FAM110B: variants seen among roughly 807,000 people sequenced by gnomAD.
FAM110B encodes the protein protein FAM110B.
FAM110B carries 6 observed loss-of-function variants against 20.4 expected under a neutral mutation model. That is an observed-to-expected ratio of 0.29 (90% CI 0.16 to 0.58). FAM110B has a LOEUF of 0.58. FAM110B is among the 20% of genes least tolerant of loss of function. The pLI is 0.90. For missense variants in FAM110B, 434 were observed against 498.2 expected, an observed-to-expected ratio of 0.87 and a Z score of 1.23; for synonymous variants, 226 against 214.1, an observed-to-expected ratio of 1.06 and a Z score of -0.49.
In FAM110B at chr8:58,098,632, G is replaced by A. The variant is rs202105926; in HGVS notation, c.-325+23009G>A. Among the ~76,000 whole-genome samples the A allele has an allele frequency of 6.6e-5, 10 of 152,182 alleles. No individual in the cohort carries two copies. The East Asian group carries it at 7.7e-4, about 12-fold the overall frequency. On this transcript the variant is annotated intron_variant, in intron 3 of 3. Coordinates refer to ENST00000519262, the MANE Select transcript of FAM110B (RefSeq NM_001377989.1). ...AAGCTAGCTCGATGTCTGCCCAAAC[G>A]GCTGCCCAGTTTTGTGCAGGAAACC...
At chr8:58,130,081 C>G (rs1475026150) in intron 3 of FAM110B, among the ~76,000 whole-genome samples, 1 of 152,118 alleles carries the variant, frequency 6.6e-6, no homozygotes, top group East Asian at 1.9e-4. Context: ...CTCCTTACAC[C>G]CATTATAGGA....
intron 2 of FAM110B, among the ~76,000 whole-genome samples, chr8:58,055,159 C>G (rs1393448484): frequency 6.6e-6 from 1 of 152,154 alleles, no homozygotes; most frequent in Admixed American, 6.5e-5. Context: ...CCCAGGGCAG[C>G]CAGTGGAGCT....
intron 3 of FAM110B, among the ~76,000 whole-genome samples, chr8:58,139,559 T>G (rs1365570158): frequency 1.3e-5 from 2 of 152,224 alleles, no homozygotes; most frequent in African/African-American, 4.8e-5. Context: ...TACTTTTGCA[T>G]TCTTTACAAG....
At chr8:58,086,382 CTTA>C (rs377463831) in intron 3 of FAM110B, among the ~76,000 whole-genome samples, 75 of 152,266 alleles carry the variant, frequency 4.9e-4, no homozygotes, top group South Asian at 2.3e-3. Flanking sequence ...TTTTGAATTT[CTTA>C]TTATATTTTA....
intron 2 of FAM110B, among the ~76,000 whole-genome samples, chr8:58,058,440 G>C (rs1805591382): frequency 6.6e-6 from 1 of 151,740 alleles, no homozygotes; most frequent in Non-Finnish European, 1.5e-5. Context: ...AAGAAAAACT[G>C]GTAAGAAAAA....
At chr8:58,114,540 A>G (rs920064123) in intron 3 of FAM110B, among the ~76,000 whole-genome samples, 5 of 152,172 alleles carry the variant, frequency 3.3e-5, no homozygotes, top group African/African-American at 4.8e-5. Context: ...CAGGCATTCT[A>G]TGCAAGGCTT....
chr8:58,127,125 C>G (rs1807528115), intron 3 of FAM110B, among the ~76,000 whole-genome samples: 1 of 152,178 alleles, frequency 6.6e-6, no homozygotes. Context: ...CTGTGGATAT[C>G]CAGTTGCTCC....
At chr8:58,141,809 C>G (rs1424060222) in intron 3 of FAM110B, among the ~76,000 whole-genome samples, 2 of 152,174 alleles carry the variant, frequency 1.3e-5, no homozygotes, top group Non-Finnish European at 2.9e-5. Context: ...CCATGGCAGC[C>G]CGTAGCGGGG....
chr8:58,101,032 C>G (rs1806766662), intron 3 of FAM110B: 1 of 152,012 alleles, frequency 6.6e-6, no homozygotes, highest in South Asian at 2.1e-4. Context: ...AAAAAATTAG[C>G]TGGGCATGGT....
At chr8:58,061,832 C>T (rs1033331987) in intron 2 of FAM110B, among the ~76,000 whole-genome samples, 2 of 152,208 alleles carry the variant, frequency 1.3e-5, no homozygotes, top group Non-Finnish European at 2.9e-5. Flanking sequence ...TTTCAGACAT[C>T]ACCAGGGATT....
Position 58,015,791 on chromosome 8 carries a change from G to A in FAM110B, c.-511-15815G>A, listed in dbSNP as rs1234195412. ...ATCCAGGAGGTGGAGGTTGCAGTGA[G>A]CTGAGATTGTGCCACTGCACTCCAG... On this transcript the variant is annotated intron_variant, in intron 1 of 3. Transcript: ENST00000519262. Among the ~76,000 whole-genome samples, 3 of 149,852 alleles carry A rather than the reference G, an allele frequency of 2.0e-5. No individual in the cohort carries two copies. In the South Asian group the frequency reaches 6.3e-4, roughly 32 times the overall value.
chr8:58,095,988 A>C (rs1173557382), intron 3 of FAM110B, among the ~76,000 whole-genome samples: 1 of 152,104 alleles, frequency 6.6e-6, no homozygotes, highest in African/African-American at 2.4e-5. Flanking sequence ...CTTTACCATT[A>C]TGTAGTGGCC....
intron 3 of FAM110B, among the ~76,000 whole-genome samples, chr8:58,138,118 T>C (rs1803662055): frequency 6.6e-6 from 1 of 152,200 alleles, no homozygotes; most frequent in East Asian, 1.9e-4. Flanking sequence ...TCAGCGGAAG[T>C]GACAAGGTTT....
chr8:58,021,208 T>G (rs1804746357), intron 1 of FAM110B, among the ~76,000 whole-genome samples: 1 of 152,220 alleles, frequency 6.6e-6, no homozygotes, highest in Admixed American at 6.5e-5. Flanking sequence ...TGGATGACCA[T>G]CAGTGCCCAG....
intron 2 of FAM110B, among the ~76,000 whole-genome samples, chr8:58,057,946 T>A (rs550698550): frequency 6.6e-6 from 1 of 152,366 alleles, no homozygotes; most frequent in East Asian, 1.9e-4. Context: ...GCCTCCAACC[T>A]GCATTGCTTT....
At chr8:58,124,666 A>T (rs1345181216) in intron 3 of FAM110B, among the ~76,000 whole-genome samples, 2 of 152,218 alleles carry the variant, frequency 1.3e-5, no homozygotes. Flanking sequence ...CATCACTGAT[A>T]CTAGAACTGA....
At chr8:58,070,854 A>G (rs1214204031) in intron 2 of FAM110B, among the ~76,000 whole-genome samples, 1 of 152,210 alleles carries the variant, frequency 6.6e-6, no homozygotes, top group Non-Finnish European at 1.5e-5. Context: ...TTGTTTCTTT[A>G]AAGATGTGTG....
intron 3 of FAM110B, among the ~76,000 whole-genome samples, chr8:58,114,158 C>G (rs987239846): frequency 6.6e-6 from 1 of 152,126 alleles, no homozygotes. Context: ...CCAGCTATTG[C>G]TATGATGTGA....
intron 2 of FAM110B, among the ~76,000 whole-genome samples, chr8:58,073,076 A>G (rs1313386485): frequency 1.3e-5 from 2 of 152,214 alleles, no homozygotes; most frequent in Non-Finnish European, 2.9e-5. Context: ...TTGGAAAAAT[A>G]TGTAAAGAGA....
Sources: allele counts gnomAD v4.1 joint callset (sites outside exome capture counted in the v4.1 genomes callset), GRCh38; gene constraint gnomAD v4.1.1; transcripts MANE v1.5; gene names NCBI Gene and HGNC (gene_info 2026-07-23, HGNC 2026-07-21).